POU2F1: variants seen among roughly 807,000 people sequenced by gnomAD.
POU2F1 encodes POU domain, class 2, transcription factor 1.
A neutral mutation model predicts 84.9 loss-of-function variants in POU2F1; 16 were observed. That is an observed-to-expected ratio of 0.19 (90% CI 0.13 to 0.29). The LOEUF is 0.29. POU2F1 is among the 10% of genes least tolerant of loss of function. The probability of loss-of-function intolerance (pLI) is 1.00; values close to 1 mark genes in which losing one functional copy is unlikely to be tolerated. For missense variants in POU2F1, 738 were observed against 942.6 expected, an observed-to-expected ratio of 0.78 and a Z score of 2.84; for synonymous variants, 368 against 368.3, an observed-to-expected ratio of 1.00 and a Z score of 0.01.
chr1:167,286,715 T>C (rs1247960173), intron 1 of POU2F1, among the ~76,000 whole-genome samples: 1 of 152,158 alleles, frequency 6.6e-6, no homozygotes, highest in Non-Finnish European at 1.5e-5. Flanking sequence ...TGTGTAGTGC[T>C]ATGGAAACAC....
At chr1:167,392,477 G>A (rs892839728) in intron 9 of POU2F1, among the ~76,000 whole-genome samples, 1 of 152,122 alleles carries the variant, frequency 6.6e-6, no homozygotes. Flanking sequence ...TAAACTATTA[G>A]CACAGCATAC....
intron 3 of POU2F1, among the ~76,000 whole-genome samples, chr1:167,369,823 T>G (rs1659897546): frequency 6.6e-6 from 1 of 152,172 alleles, no homozygotes; most frequent in African/African-American, 2.4e-5. Context: ...ATGTGGAAGG[T>G]TAATTAAATT....
intron 1 of POU2F1, among the ~76,000 whole-genome samples, chr1:167,255,310 T>C (rs1208918657): frequency 6.6e-6 from 1 of 152,198 alleles, no homozygotes; most frequent in Non-Finnish European, 1.5e-5. Flanking sequence ...CTGAATCTTG[T>C]TCTCCTAAGT....
At chr1:167,325,167 G>A (rs191564570) in intron 1 of POU2F1, among the ~76,000 whole-genome samples, 1 of 152,296 alleles carries the variant, frequency 6.6e-6, no homozygotes, top group Non-Finnish European at 1.5e-5. Context: ...ATATCATTAA[G>A]TGTTTTCTGT....
intron 5 of POU2F1, among the ~76,000 whole-genome samples, chr1:167,372,335 G>C (rs1321421166): frequency 6.6e-6 from 1 of 152,188 alleles, no homozygotes. Flanking sequence ...ATTATCATAT[G>C]GTTGAGATCA....
intron 1 of POU2F1, among the ~76,000 whole-genome samples, chr1:167,272,120 A>C (rs1330493640): frequency 1.3e-5 from 2 of 152,218 alleles, no homozygotes; most frequent in South Asian, 2.1e-4. Flanking sequence ...TTTGCTGTCC[A>C]CAGAAATAAA....
chr1:167,268,596 G>A (rs1050802502), intron 1 of POU2F1, among the ~76,000 whole-genome samples: 1 of 152,122 alleles, frequency 6.6e-6, no homozygotes, highest in Non-Finnish European at 1.5e-5. Flanking sequence ...CTGCACATAA[G>A]GTAAATACAG....
At chr1:167,410,566 A>C (rs1649889221) in intron 13 of POU2F1, among the ~76,000 whole-genome samples, 1 of 151,754 alleles carries the variant, frequency 6.6e-6, no homozygotes, top group African/African-American at 2.4e-5. Context: ...CCCAGACTGG[A>C]GTGTAATGGC....
intron 2 of POU2F1, among the ~76,000 whole-genome samples, chr1:167,335,891 A>G (rs1657411855): frequency 6.6e-6 from 1 of 152,254 alleles, no homozygotes; most frequent in Non-Finnish European, 1.5e-5. Context: ...TGATCATTGA[A>G]TAACATGGAT....
intron 1 of POU2F1, among the ~76,000 whole-genome samples, chr1:167,274,261 A>T (rs1260773103): frequency 2.4e-4 from 36 of 152,094 alleles, no homozygotes; most frequent in Non-Finnish European, 1.5e-5. Context: ...TTTGCTTTTA[A>T]TCTGTTGCTT....
intron 2 of POU2F1, among the ~76,000 whole-genome samples, chr1:167,360,984 C>T (rs990678782): frequency 4.0e-5 from 6 of 151,006 alleles, no homozygotes; most frequent in Admixed American, 2.0e-4. Flanking sequence ...TTGTGGCTAC[C>T]GTAAATGGGA....
intron 2 of POU2F1, among the ~76,000 whole-genome samples, chr1:167,339,450 T>C (rs777517513): frequency 6.6e-6 from 1 of 152,216 alleles, no homozygotes; most frequent in Non-Finnish European, 1.5e-5. Context: ...AAGAAGTTGT[T>C]TGAAGTTTTA....
At chr1:167,398,260 A>G in intron 11 of POU2F1, 127 bp downstream of exon 11, 1 of 1,129,426 alleles carries the variant, frequency 8.9e-7, no homozygotes, top group South Asian at 1.6e-5. Context: ...GATTATAAAT[A>G]GGTGAAGTAA....
chr1:167,411,957 A>T lies in POU2F1; in HGVS notation c.1556-2A>T, dbSNP rs1318819389. The T allele has an allele frequency of 6.2e-7, 1 of 1,606,312 alleles. No homozygotes were observed. The highest frequency in any genetic ancestry group is 8.5e-7 in the Non-Finnish European group (1 of 1,174,868). Reference sequence around the variant, plus strand: ...CATCTTCTAATCTGTTTGTCTTTTCAGGCACTTCAGACACCACCTCCAACA... The same window carrying T: ...CATCTTCTAATCTGTTTGTCTTTTCTGGCACTTCAGACACCACCTCCAACA... On this transcript the variant is annotated splice_acceptor_variant, in intron 13 of 15. Transcript: ENST00000367866. LOFTEE classifies it high-confidence loss of function.
At chr1:167,238,352 A>AGT (rs1649656521) in intron 1 of POU2F1, among the ~76,000 whole-genome samples, 6 of 152,320 alleles carry the variant, frequency 3.9e-5, no homozygotes, top group African/African-American at 1.4e-4. Context: ...AGATGATGCA[A>AGT]ACAAGGAAAA....
chr1:167,243,255 G>A (rs1187250461), intron 1 of POU2F1, among the ~76,000 whole-genome samples: 1 of 152,166 alleles, frequency 6.6e-6, no homozygotes, highest in African/African-American at 2.4e-5. Flanking sequence ...ATTAGGCATT[G>A]TTTTAGGCAC....
At chr1:167,255,119 G>A (rs1038394302) in intron 1 of POU2F1, among the ~76,000 whole-genome samples, 5 of 152,094 alleles carry the variant, frequency 3.3e-5, no homozygotes, top group Non-Finnish European at 1.5e-5. Context: ...TGACTCTAAT[G>A]CACGTTTGCT....
chr1:167,385,162 A>G (rs1647875550), intron 8 of POU2F1, among the ~76,000 whole-genome samples: 1 of 152,174 alleles, frequency 6.6e-6, no homozygotes, highest in Admixed American at 6.5e-5. Context: ...TGAAAACTAT[A>G]GAACATTGCT....
intron 1 of POU2F1, among the ~76,000 whole-genome samples, chr1:167,298,614 A>C (rs958402316): frequency 2.6e-5 from 4 of 152,252 alleles, no homozygotes; most frequent in Non-Finnish European, 2.9e-5. Context: ...GTTTTTTTTA[A>C]TTGTGGCTGG....
Sources: allele counts gnomAD v4.1 joint callset (sites outside exome capture counted in the v4.1 genomes callset), GRCh38; gene constraint gnomAD v4.1.1; transcripts MANE v1.5; gene names NCBI Gene and HGNC (gene_info 2026-07-23, HGNC 2026-07-21).